Variants in SAMSN1 observed in about 807,000 individuals in gnomAD.
SAMSN1 encodes the protein SAM domain, SH3 domain and nuclear localization signals 1.
Under a neutral mutation model 42.0 loss-of-function variants are expected in SAMSN1, and 31 were observed. The ratio of observed to expected loss-of-function variants is 0.74; its 90% CI spans 0.55 to 1.00. The LOEUF is 1.00. SAMSN1 is among the 50% of genes least tolerant of loss of function. The pLI is 0.00. For missense variants in SAMSN1, 464 were observed against 439.4 expected (o/e 1.06, Z -0.50); for synonymous variants, 178 against 151.9 (o/e 1.17, Z -1.26).
At position 14,649,772 on chromosome 21, in the gene SAMSN1, AACAC is replaced by A. The variant is rs60905314; in HGVS notation, c.25-6643_25-6640del. ...GTGACGGAGTGAGACACTGTCTCAA[AACAC>A]ACACACACACACACACACACACACA... is the stretch of plus-strand genomic sequence containing the variant. On this transcript the variant is annotated intron_variant, in intron 1 of 15. Transcript: ENST00000647101. Among the ~76,000 whole-genome samples, 810 of 135,350 alleles carry A rather than the reference AACAC, an allele frequency of 6.0e-3. 6 individuals carry two copies. The highest frequency in any genetic ancestry group is 0.017 in the South Asian group (73 of 4,320). 88.8% of individuals were successfully genotyped at this position (135,350 alleles called of 152,430 possible). A position where few individuals can be genotyped will look rare whatever the true frequency, so the allele number is the denominator to read the frequency against.
At chr21:14,560,792 T>C (rs1980920942) in intron 2 of SAMSN1, among the ~76,000 whole-genome samples, 1 of 152,214 alleles carries the variant, frequency 6.6e-6, no homozygotes, top group Non-Finnish European at 1.5e-5. Flanking sequence ...CCCATGTAAA[T>C]GTATACATGC....
At chr21:14,496,575 G>A (rs1348885888) in intron 7 of SAMSN1, among the ~76,000 whole-genome samples, 6 of 152,210 alleles carry the variant, frequency 3.9e-5, no homozygotes, top group African/African-American at 1.2e-4. Context: ...GAGGAGCCAC[G>A]TCTTGAAATG....
At chr21:14,491,585 G>A (rs1162624980) in intron 7 of SAMSN1, among the ~76,000 whole-genome samples, 1 of 152,144 alleles carries the variant, frequency 6.6e-6, no homozygotes, top group Non-Finnish European at 1.5e-5. Context: ...CACCCAATTA[G>A]CTAGCCTATT....
chr21:14,503,021 C>G (rs8129951), intron 5 of SAMSN1, among the ~76,000 whole-genome samples: 1 of 152,020 alleles, frequency 6.6e-6, no homozygotes, highest in African/African-American at 2.4e-5. Flanking sequence ...ATTCTTTTAG[C>G]GCAAAACCTT....
intron 2 of SAMSN1, among the ~76,000 whole-genome samples, chr21:14,572,796 T>C (rs970696651): frequency 4.6e-5 from 7 of 152,182 alleles, no homozygotes; most frequent in South Asian, 2.1e-4. Context: ...TCCATTTTTA[T>C]AGATGAGATA....
intron 4 of SAMSN1, among the ~76,000 whole-genome samples, chr21:14,510,795 A>G (rs1987657314): frequency 6.6e-6 from 1 of 152,160 alleles, no homozygotes. Flanking sequence ...AGTTCCCTAC[A>G]ATTTCCTCCC....
chr21:14,616,221 T>C (rs1243229529), intron 2 of SAMSN1, among the ~76,000 whole-genome samples: 1 of 152,086 alleles, frequency 6.6e-6, no homozygotes, highest in Non-Finnish European at 1.5e-5. Flanking sequence ...CATTTTAACT[T>C]TTTTTTCCCT....
chr21:14,645,831 C>T (rs1028148756), intron 1 of SAMSN1, among the ~76,000 whole-genome samples: 1 of 152,114 alleles, frequency 6.6e-6, no homozygotes, highest in African/African-American at 2.4e-5. Flanking sequence ...TAAAAAGAAT[C>T]AAGCAGAAAT....
intron 4 of SAMSN1, among the ~76,000 whole-genome samples, chr21:14,611,813 T>C (rs1239174254): frequency 6.6e-6 from 1 of 152,158 alleles, no homozygotes; most frequent in African/African-American, 2.4e-5. Context: ...TTAGTCAGAA[T>C]GAGCTTTTCA....
chr21:14,625,196 C>T (rs1259366108), intron 2 of SAMSN1, among the ~76,000 whole-genome samples: 1 of 152,062 alleles, frequency 6.6e-6, no homozygotes, highest in Non-Finnish European at 1.5e-5. Flanking sequence ...AAACTGGACG[C>T]ATTCCCTTTG....
chr21:14,521,918 A>G (rs771622421), intron 1 of SAMSN1, among the ~76,000 whole-genome samples: 9 of 151,906 alleles, frequency 5.9e-5, no homozygotes, highest in Non-Finnish European at 1.2e-4. Context: ...AAAAAAGAAC[A>G]TAAGTGCATT....
intron 4 of SAMSN1, among the ~76,000 whole-genome samples, chr21:14,610,201 C>A (rs540791439): frequency 3.3e-5 from 5 of 152,254 alleles, no homozygotes; most frequent in South Asian, 2.1e-4. Flanking sequence ...TCGCTGAATT[C>A]TTTCCCCAGT....
intron 5 of SAMSN1, among the ~76,000 whole-genome samples, chr21:14,608,720 T>G (rs1245043993): frequency 6.6e-6 from 1 of 152,160 alleles, no homozygotes; most frequent in Non-Finnish European, 1.5e-5. Context: ...GACTTTGTCT[T>G]GCAGCCACAG....
chr21:14,522,962 G>A (rs368125156), intron 1 of SAMSN1, among the ~76,000 whole-genome samples: 1 of 152,110 alleles, frequency 6.6e-6, no homozygotes, highest in Non-Finnish European at 1.5e-5. Context: ...AATTGACCTG[G>A]AATGCACTTC....
chr21:14,560,923 G>A (rs1980927554), intron 2 of SAMSN1, among the ~76,000 whole-genome samples: 1 of 152,180 alleles, frequency 6.6e-6, no homozygotes, highest in Admixed American at 6.5e-5. Context: ...AGTATTGGAG[G>A]CTAAAAGTCC....
upstream of SAMSN1, among the ~76,000 whole-genome samples, chr21:14,587,848 A>T (rs1405562102): frequency 6.6e-6 from 1 of 151,030 alleles, no homozygotes; most frequent in East Asian, 2.0e-4. Context: ...TACATGTGCC[A>T]TGCTGGTGCG....
intron 4 of SAMSN1, among the ~76,000 whole-genome samples, chr21:14,512,074 T>C (rs1987708761): frequency 6.6e-6 from 1 of 152,036 alleles, no homozygotes; most frequent in African/African-American, 2.4e-5. Flanking sequence ...GAGCAGAAAA[T>C]AAATTTCATT....
chr21:14,568,254 C>T (rs1004477978), intron 2 of SAMSN1, among the ~76,000 whole-genome samples: 1 of 152,134 alleles, frequency 6.6e-6, no homozygotes, highest in Non-Finnish European at 1.5e-5. Flanking sequence ...GTTTATAAGG[C>T]CTCTGATTCT....
At chr21:14,607,838 C>A (rs1982605232) in intron 5 of SAMSN1, among the ~76,000 whole-genome samples, 1 of 152,170 alleles carries the variant, frequency 6.6e-6, no homozygotes, top group African/African-American at 2.4e-5. Flanking sequence ...ATCTGTAACA[C>A]CATTATACCT....
Sources: gnomAD v4.1 joint callset for allele counts (sites outside exome capture counted in the v4.1 genomes callset) on GRCh38, gnomAD v4.1.1 for gene constraint, MANE v1.5 for transcripts, NCBI Gene and HGNC (gene_info 2026-07-23, HGNC 2026-07-21) for gene names.